The following KLF12 variants were observed in gnomAD, a reference collection of about 807,000 sequenced individuals.
KLF12 encodes the protein Krueppel-like factor 12.
KLF12 carries 9 observed loss-of-function variants against 37.8 expected under a neutral mutation model. The ratio of observed to expected loss-of-function variants is 0.24; its 90% confidence interval spans 0.14 to 0.42. KLF12 has a LOEUF of 0.42. Among genes scored for constraint, KLF12 ranks in the 10% least tolerant of loss-of-function variants. The probability of loss-of-function intolerance (pLI) is 1.00; values close to 1 mark genes in which losing one functional copy is unlikely to be tolerated. For missense variants in KLF12, 411 were observed against 516.0 expected, an observed-to-expected ratio of 0.80 and a Z score of 1.97; for synonymous variants, 208 against 202.1, an observed-to-expected ratio of 1.03 and a Z score of -0.25.
intron 1 of KLF12, among the ~76,000 whole-genome samples, chr13:74,037,144 A>G (rs1049649877): frequency 2.7e-5 from 4 of 148,728 alleles, no homozygotes; most frequent in African/African-American, 9.9e-5. Context: ...CGGAGGTTGC[A>G]GTGAGCCGAG....
intron 3 of KLF12, among the ~76,000 whole-genome samples, chr13:73,924,149 C>T (rs1465436426): frequency 2.0e-5 from 3 of 152,202 alleles, no homozygotes; most frequent in African/African-American, 4.8e-5. Context: ...GCATGGCCAA[C>T]TCTTTAAATT....
At chr13:73,997,974 T>G (rs369075861) in intron 1 of KLF12, among the ~76,000 whole-genome samples, 4 of 152,140 alleles carry the variant, frequency 2.6e-5, no homozygotes, top group African/African-American at 9.7e-5. Flanking sequence ...CTGGAGAAAT[T>G]CCAGTTACAC....
At chr13:73,778,556 G>A (rs1374176338) in intron 5 of KLF12, among the ~76,000 whole-genome samples, 1 of 151,994 alleles carries the variant, frequency 6.6e-6, no homozygotes, top group East Asian at 1.9e-4. Flanking sequence ...GATGAGGTGA[G>A]GCCTCCCTGT....
the KLF12 span, among the ~76,000 whole-genome samples, chr13:74,287,876 T>C: frequency 6.6e-6 from 1 of 152,212 alleles, no homozygotes. Flanking sequence ...TTTGCATTTA[T>C]TCACTGCTCA....
At chr13:73,903,834 G>A (rs932900954) in intron 3 of KLF12, among the ~76,000 whole-genome samples, 3 of 152,138 alleles carry the variant, frequency 2.0e-5, no homozygotes, top group Non-Finnish European at 2.9e-5. Flanking sequence ...TCATAGGAGC[G>A]GGAGCCCTAC....
At chr13:74,222,100 C>T in the KLF12 span, among the ~76,000 whole-genome samples, 4 of 152,222 alleles carry the variant, frequency 2.6e-5, no homozygotes, top group Non-Finnish European at 5.9e-5. Context: ...TATCCTCCCA[C>T]CACTTGTCAG....
intron 6 of KLF12, among the ~76,000 whole-genome samples, chr13:73,721,113 C>A (rs1876211170): frequency 6.6e-6 from 1 of 152,170 alleles, no homozygotes; most frequent in Non-Finnish European, 1.5e-5. Context: ...TTCAGAGCAA[C>A]CCTCTGAGAT....
At chr13:73,837,402 A>AT (rs1331639636) in intron 4 of KLF12, among the ~76,000 whole-genome samples, 1 of 152,206 alleles carries the variant, frequency 6.6e-6, no homozygotes, top group East Asian at 1.9e-4. Context: ...TAAGAAGCCA[A>AT]TTTTTTGATG....
chr13:74,010,610 T>C (rs1182756751), intron 1 of KLF12, among the ~76,000 whole-genome samples: 2 of 152,176 alleles, frequency 1.3e-5, no homozygotes, highest in African/African-American at 2.4e-5. Context: ...GTACAAGGCG[T>C]TTGTAGTTAT....
At chr13:73,789,252 G>C (rs1216099389) in intron 5 of KLF12, among the ~76,000 whole-genome samples, 1 of 152,146 alleles carries the variant, frequency 6.6e-6, no homozygotes, top group East Asian at 1.9e-4. Flanking sequence ...AAGTACTTTA[G>C]AGTCACAAAA....
chr13:73,942,784 A>C (rs1029823766), intron 3 of KLF12, among the ~76,000 whole-genome samples: 28 of 152,330 alleles, frequency 1.8e-4, no homozygotes, highest in African/African-American at 6.5e-4. Flanking sequence ...TTTCAAAGCT[A>C]CAAAACTCAA....
intron 7 of KLF12, among the ~76,000 whole-genome samples, chr13:73,705,135 G>T (rs1193791040): frequency 6.6e-6 from 1 of 152,162 alleles, no homozygotes; most frequent in Non-Finnish European, 1.5e-5. Flanking sequence ...TCTGAAATTA[G>T]TAACGTGTGA....
At chr13:73,998,946 T>C (rs550330113) in intron 1 of KLF12, among the ~76,000 whole-genome samples, 3 of 152,348 alleles carry the variant, frequency 2.0e-5, no homozygotes, top group Admixed American at 6.5e-5. Context: ...AGGTGACACC[T>C]ACTGTATCTC....
intron 3 of KLF12, among the ~76,000 whole-genome samples, chr13:73,856,906 G>T (rs1325141560): frequency 6.6e-6 from 1 of 152,108 alleles, no homozygotes; most frequent in Non-Finnish European, 1.5e-5. Flanking sequence ...AGAATCACTT[G>T]AACCCAGGAG....
At chr13:73,711,236 G>C (rs943280487) in intron 7 of KLF12, among the ~76,000 whole-genome samples, 4 of 152,226 alleles carry the variant, frequency 2.6e-5, no homozygotes, top group African/African-American at 9.6e-5. Flanking sequence ...TGCTGATGTA[G>C]AAGCTGCAGC....
At chr13:73,779,450 T>C (rs1385301053) in intron 5 of KLF12, among the ~76,000 whole-genome samples, 2 of 152,174 alleles carry the variant, frequency 1.3e-5, no homozygotes, top group African/African-American at 2.4e-5. Flanking sequence ...GGTTGGTGAA[T>C]ACATCCATGT....
intron 4 of KLF12, among the ~76,000 whole-genome samples, chr13:73,831,047 A>G (rs1884130221): frequency 6.6e-6 from 1 of 151,798 alleles, no homozygotes; most frequent in Non-Finnish European, 1.5e-5. Context: ...TTACATACAG[A>G]ATAGATTTCA....
the KLF12 span, among the ~76,000 whole-genome samples, chr13:74,208,664 A>G: frequency 1.3e-5 from 2 of 152,156 alleles, no homozygotes; most frequent in East Asian, 3.9e-4. Flanking sequence ...ATTAGAATCC[A>G]GGAAAAGAAT....
chr13:73,726,822 G>A (rs1197550071), intron 6 of KLF12, among the ~76,000 whole-genome samples: 1 of 152,138 alleles, frequency 6.6e-6, no homozygotes, highest in African/African-American at 2.4e-5. Flanking sequence ...GAATTATTAG[G>A]TCATACGATA....
Sources: gnomAD v4.1 joint callset for allele counts (sites outside exome capture counted in the v4.1 genomes callset) on GRCh38, gnomAD v4.1.1 for gene constraint, MANE v1.5 for transcripts, NCBI Gene and HGNC (gene_info 2026-07-23, HGNC 2026-07-21) for gene names.